The following LIX1 variants were observed in gnomAD, a reference collection of about 807,000 sequenced individuals.
LIX1 encodes protein limb expression 1 homolog.
Under a neutral mutation model 33.4 loss-of-function variants are expected in LIX1, and 24 were observed. The observed-to-expected ratio is 0.72, with a 90% CI of 0.52 to 1.01. The LOEUF is 1.01. Among genes scored for constraint, LIX1 ranks in the 50% least tolerant of loss-of-function variants. The probability of loss-of-function intolerance (pLI) is 0.00; values close to 1 mark genes in which losing one functional copy is unlikely to be tolerated. For missense variants in LIX1, 311 were observed against 339.2 expected (o/e 0.92, Z 0.65); for synonymous variants, 124 against 124.0 (o/e 1.00, Z 0.00).
At chr5:97,107,305 A>T in intron 3 of LIX1, 55 bp downstream of exon 3, 1 of 1,535,622 alleles carries the variant, frequency 6.5e-7, no homozygotes, top group South Asian at 1.2e-5. Flanking sequence ...TCAAGATTCA[A>T]ATGCTTCAGA....
At chr5:97,124,666 T>C in intron 1 of LIX1, 37 bp from the exon 2 acceptor site, 1 of 1,582,896 alleles carries the variant, frequency 6.3e-7, no homozygotes, top group Non-Finnish European at 8.6e-7. Context: ...TTATTAAGGA[T>C]GGACATAATC....
At chr5:97,138,536 T>G (rs1748215656) in intron 1 of LIX1, among the ~76,000 whole-genome samples, 1 of 152,186 alleles carries the variant, frequency 6.6e-6, no homozygotes, top group Non-Finnish European at 1.5e-5. Context: ...TACTGTTAAC[T>G]CCAATGGCTC....
chr5:97,094,470 G>A lies in LIX1; in HGVS notation c.*278C>T, dbSNP rs1352062252. 2.4e-5 allele frequency: 10 copies of A among 423,972 alleles called. No homozygotes were observed. Among genetic ancestry groups the A allele is most frequent in the Non-Finnish European group, 3.8e-5 (9 of 237,084 alleles). 26.3% of individuals were successfully genotyped at this position (423,972 alleles called of 1,614,324 possible). On this transcript the variant is annotated 3_prime_UTR_variant, in exon 6 of 6. Coordinates refer to ENST00000274382, the MANE Select transcript of LIX1 (RefSeq NM_153234.5). ...CACGTGACAGTCAGGCTTTAGGTTG[G>A]AGCCAGGCCTGGAAAATGTTTTTCA...
At chr5:97,129,961 A>C (rs919953284) in intron 1 of LIX1, among the ~76,000 whole-genome samples, 1 of 152,232 alleles carries the variant, frequency 6.6e-6, no homozygotes, top group Admixed American at 6.5e-5. Flanking sequence ...AAAAGACTTT[A>C]TTTGCACATT....
intron 4 of LIX1, chr5:97,101,831 G>T (rs1746717998): frequency 6.6e-6 from 1 of 152,150 alleles, no homozygotes; most frequent in Non-Finnish European, 1.5e-5. Flanking sequence ...TTGAAAAAGA[G>T]GTGGGCACCA....
intron 1 of LIX1, among the ~76,000 whole-genome samples, 157 bp from the exon 2 acceptor site, chr5:97,124,786 A>G (rs1396835913): frequency 6.6e-6 from 1 of 152,202 alleles, no homozygotes; most frequent in African/African-American, 2.4e-5. Context: ...TTAGCTGTGA[A>G]AGAATATACT....
chr5:97,103,678 G>A (rs1746838783), intron 4 of LIX1, among the ~76,000 whole-genome samples: 1 of 152,152 alleles, frequency 6.6e-6, no homozygotes, highest in African/African-American at 2.4e-5. Context: ...AAAACTGGAT[G>A]ACTAAGGCCG....
intron 1 of LIX1, among the ~76,000 whole-genome samples, chr5:97,127,889 A>C (rs1747969156): frequency 6.6e-6 from 1 of 152,062 alleles, no homozygotes. Context: ...GCTCCACCTT[A>C]TTTCCTACAG....
chr5:97,109,622 A>G (rs115824285), intron 2 of LIX1, among the ~76,000 whole-genome samples: 387 of 150,830 alleles, frequency 2.6e-3, no homozygotes, highest in African/African-American at 9.2e-3. Flanking sequence ...CTTTTAGGTT[A>G]TGTGGATAAG....
intron 1 of LIX1, among the ~76,000 whole-genome samples, chr5:97,126,842 G>A (rs1747940019): frequency 1.3e-5 from 2 of 151,864 alleles, no homozygotes; most frequent in African/African-American, 4.8e-5. Flanking sequence ...GGGTTTCACT[G>A]TTAGCCAGGA....
chr5:97,124,189 A>G (rs761384803), intron 2 of LIX1, among the ~76,000 whole-genome samples: 19 of 152,222 alleles, frequency 1.2e-4, no homozygotes, highest in Non-Finnish European at 2.4e-4. Context: ...TGACAAACTA[A>G]GAAACTTGAT....
chr5:97,120,626 A>G (rs948556406), intron 2 of LIX1, among the ~76,000 whole-genome samples: 7 of 152,180 alleles, frequency 4.6e-5, no homozygotes, highest in Non-Finnish European at 1.0e-4. Context: ...GTAGATCTCA[A>G]TGTGAGTATG....
intron 1 of LIX1, among the ~76,000 whole-genome samples, chr5:97,135,895 G>A (rs1487018711): frequency 6.6e-6 from 1 of 152,084 alleles, no homozygotes; most frequent in Non-Finnish European, 1.5e-5. Flanking sequence ...AACCAATAAA[G>A]GATTAGTCAT....
intron 2 of LIX1, among the ~76,000 whole-genome samples, chr5:97,122,387 G>A (rs1166928561): frequency 1.3e-5 from 2 of 151,966 alleles, no homozygotes; most frequent in African/African-American, 2.4e-5. Flanking sequence ...CTCGTCTCCC[G>A]GAATTGCCTC....
Position 97,114,382 on chromosome 5 carries a change from G to A in LIX1, c.247-6882C>T, listed in dbSNP as rs528625572. Among the ~76,000 whole-genome samples, 22 of 152,054 alleles carry A rather than the reference G, an allele frequency of 1.4e-4. No homozygotes were observed. In the South Asian group the frequency reaches 3.1e-3, roughly 22 times the overall value. ...ATAAAACAAAAAATAAACTTCCCTC[G>A]CTCTGATGAATAAAAAATTTCCCCC... On this transcript the variant is annotated intron_variant, in intron 2 of 5. Coordinates refer to ENST00000274382, the MANE Select transcript of LIX1 (RefSeq NM_153234.5).
intron 4 of LIX1, among the ~76,000 whole-genome samples, chr5:97,099,284 A>G (rs1746555594): frequency 6.6e-6 from 1 of 152,172 alleles, no homozygotes; most frequent in Admixed American, 6.5e-5. Flanking sequence ...TGTTCCTCTC[A>G]GGCTTTCCAT....
intron 2 of LIX1, among the ~76,000 whole-genome samples, chr5:97,123,051 A>G (rs192779863): frequency 2.6e-5 from 4 of 152,292 alleles, no homozygotes; most frequent in Admixed American, 2.6e-4. Flanking sequence ...CTCGGTTTCC[A>G]TAAATCCCCT....
chr5:97,097,913 C>T (rs929316963), intron 4 of LIX1, among the ~76,000 whole-genome samples: 2 of 152,164 alleles, frequency 1.3e-5, no homozygotes, highest in African/African-American at 4.8e-5. Context: ...AAGAAGTCCC[C>T]TCTGCTTTAA....
chr5:97,095,703 TG>T (rs768798164), intron 5 of LIX1, among the ~76,000 whole-genome samples: 11 of 152,240 alleles, frequency 7.2e-5, no homozygotes, highest in Non-Finnish European at 1.3e-4. Flanking sequence ...AATTAGTTAC[TG>T]CCTGTCAATT....
Sources: gnomAD v4.1 joint callset for allele counts (sites outside exome capture counted in the v4.1 genomes callset) on GRCh38, gnomAD v4.1.1 for gene constraint, MANE v1.5 for transcripts, NCBI Gene and HGNC (gene_info 2026-07-23, HGNC 2026-07-21) for gene names.